Variants in ARHGDIB observed in about 807,000 individuals in gnomAD.
The protein encoded by ARHGDIB is Rho GDP dissociation inhibitor beta.
A neutral mutation model predicts 22.6 loss-of-function variants in ARHGDIB; 20 were observed. That is an observed-to-expected ratio of 0.88 (90% CI 0.62 to 1.28). The LOEUF is 1.28. Among genes scored for constraint, ARHGDIB ranks in the 50% most tolerant of loss-of-function variants. ARHGDIB has a pLI of 0.00. For synonymous variants in ARHGDIB, 114 were observed against 96.1 expected, an observed-to-expected ratio of 1.19 and a Z score of -1.09; for missense variants, 254 against 245.4, an observed-to-expected ratio of 1.04 and a Z score of -0.23.
chr12:14,957,105 A>G (rs994929608), intron 1 of ARHGDIB, among the ~76,000 whole-genome samples: 6 of 152,230 alleles, frequency 3.9e-5, no homozygotes, highest in African/African-American at 1.2e-4. Flanking sequence ...TTCATGTCTC[A>G]TAGAACATAG....
chr12:14,961,518 C>G lies in ARHGDIB; in HGVS notation c.-13+19G>C, dbSNP rs866663947. ...TGTGCCCACCTGAAGCCTCCCCAGC[C>G]CGAGGTATTTGAACTTACATTCAGT... On this transcript the variant is annotated intron_variant, in intron 1 of 5. Coordinates refer to ENST00000228945, the MANE Select transcript of ARHGDIB (RefSeq NM_001175.7). 6.6e-6 allele frequency: 1 copy of G among 152,250 alleles called. No individual in the cohort carries two copies. The highest frequency in any genetic ancestry group is 2.4e-5 in the African/African-American group (1 of 41,452). The allele number at this position is 152,250 out of a possible 1,614,324, so 9.4% of individuals were successfully genotyped here.
rs117714559 is a variant in ARHGDIB at position 14,953,095 on chromosome 12, T to C, written c.-12-2371A>G. ...AGGTCTTGATCTTCTCATCAGTAAA[T>C]CTGAGGCTTATGTTCTACATTTTCT... On this transcript the variant is annotated intron_variant, in intron 1 of 5. Transcript: ENST00000228945. Among the ~76,000 whole-genome samples, 289 of 152,302 alleles carry C rather than the reference T, an allele frequency of 1.9e-3. 13 individuals carry two copies. In the East Asian group the frequency reaches 0.048, roughly 25 times the overall value.
chr12:14,945,005 G>C (rs1454844461), intron 4 of ARHGDIB, among the ~76,000 whole-genome samples, 166 bp from the exon 5 acceptor site: 1 of 152,222 alleles, frequency 6.6e-6, no homozygotes, highest in Non-Finnish European at 1.5e-5. Flanking sequence ...GTGAGGCAAA[G>C]ATTAGAGAGG....
chr12:14,956,639 G>T (rs1179620009), intron 1 of ARHGDIB, among the ~76,000 whole-genome samples: 4 of 152,132 alleles, frequency 2.6e-5, no homozygotes, highest in Admixed American at 1.3e-4. Flanking sequence ...GGTTAATGTG[G>T]ACCCCATTTA....
chr12:14,951,091 C>T (rs1351811321), intron 1 of ARHGDIB: 1 of 159,636 alleles, frequency 6.3e-6, no homozygotes, highest in African/African-American at 2.4e-5. Context: ...TCACAGTCCT[C>T]CAAATCCAGC....
intron 4 of ARHGDIB, 70 bp downstream of exon 4, chr12:14,947,803 G>T: frequency 1.5e-6 from 2 of 1,294,646 alleles, no homozygotes; most frequent in Non-Finnish European, 2.2e-6. Context: ...ACATGATCAT[G>T]CAAGAAATGT....
chr12:14,959,993 C>T (rs557461313), intron 1 of ARHGDIB, among the ~76,000 whole-genome samples: 13 of 152,348 alleles, frequency 8.5e-5, no homozygotes, highest in Non-Finnish European at 1.9e-4. Context: ...GCAAGATTCA[C>T]GATGCCTGCT....
chr12:14,948,088 A>T (rs953638787), intron 3 of ARHGDIB, 139 bp from the exon 4 acceptor site: 9 of 531,524 alleles, frequency 1.7e-5, no homozygotes, highest in East Asian at 1.3e-4. Context: ...AGAGTATTTG[A>T]GTTTAGTCCT....
chr12:14,942,452 G>A lies in ARHGDIB; in HGVS notation c.*70C>T. On this transcript the variant is annotated 3_prime_UTR_variant, in exon 6 of 6. Transcript: ENST00000228945. Reference sequence around the variant, plus strand: ...GGGACCCAGCTGTGGACAGGGAGGAGGGACAGGGTGCTGAACACGCCTGAG... The same window carrying A: ...GGGACCCAGCTGTGGACAGGGAGGAAGGACAGGGTGCTGAACACGCCTGAG... The A allele has an allele frequency of 2.6e-6, 4 of 1,540,286 alleles. No individual in the cohort carries two copies. Among genetic ancestry groups the A allele is most frequent in the Non-Finnish European group, 2.7e-6 (3 of 1,116,380 alleles).
chr12:14,943,392 G>T (rs11056250), intron 5 of ARHGDIB, among the ~76,000 whole-genome samples: 2,334 of 52,416 alleles, frequency 0.045, 37 homozygotes, highest in South Asian at 0.099. Flanking sequence ...TTTTTTTTTT[G>T]TTGTTGTTGT....
At chr12:14,949,463 C>T (rs1359309964) in intron 3 of ARHGDIB, among the ~76,000 whole-genome samples, 1 of 151,860 alleles carries the variant, frequency 6.6e-6, no homozygotes, top group Non-Finnish European at 1.5e-5. Context: ...ACTGTATAAA[C>T]CTTATAACTT....
chr12:14,949,343 A>T (rs1052780508), intron 3 of ARHGDIB, among the ~76,000 whole-genome samples: 4 of 152,242 alleles, frequency 2.6e-5, no homozygotes, highest in Non-Finnish European at 5.9e-5. Context: ...CAGAGTTTCA[A>T]GCTAAAACAA....
chr12:14,945,617 C>T lies in ARHGDIB; in HGVS notation c.343-778G>A, dbSNP rs116037874. Among the ~76,000 whole-genome samples the T allele has an allele frequency of 5.6e-3, 847 of 152,294 alleles. 3 individuals carry two copies. The highest frequency in any genetic ancestry group is 0.019 in the African/African-American group (801 of 41,568). The stretch of plus-strand genomic sequence containing the variant: ...TTAAAGTGGACATTGCATCATTAGC[C>T]GAAGAGCTTGGTTATCTGTTCACCA... On this transcript the variant is annotated intron_variant, in intron 4 of 5. Coordinates refer to ENST00000228945, the MANE Select transcript of ARHGDIB (RefSeq NM_001175.7).
intron 1 of ARHGDIB, chr12:14,951,056 C>G (rs1271072449): frequency 5.8e-6 from 1 of 171,268 alleles, no homozygotes; most frequent in Non-Finnish European, 1.3e-5. Context: ...GAAGCAAAAG[C>G]CCAGTCAAAA....
At position 14,942,727 on chromosome 12, in the gene ARHGDIB, A is replaced by G; in HGVS notation, c.407-6T>C. Reference sequence around the variant, plus strand: ...CATAAATGTTGCTTTATCCACTAAGAAGAAAGAAGAGTTCATTAGGGTAAG... The same window carrying G: ...CATAAATGTTGCTTTATCCACTAAGGAGAAAGAAGAGTTCATTAGGGTAAG... On this transcript the variant is annotated splice_region_variant and splice_polypyrimidine_tract_variant and intron_variant, in intron 5 of 5. Transcript: ENST00000228945. The G allele has an allele frequency of 6.2e-7, 1 of 1,613,416 alleles. No homozygotes were observed. Among genetic ancestry groups the G allele is most frequent in the Non-Finnish European group, 8.5e-7 (1 of 1,179,878 alleles).
chr12:14,959,809 A>G (rs1864375397), intron 1 of ARHGDIB, among the ~76,000 whole-genome samples: 1 of 152,210 alleles, frequency 6.6e-6, no homozygotes, highest in African/African-American at 2.4e-5. Context: ...CTGTTCAGTG[A>G]CAGCATAGTT....
At chr12:14,949,096 AT>A (rs386760642) in intron 3 of ARHGDIB, among the ~76,000 whole-genome samples, 8 of 151,414 alleles carry the variant, frequency 5.3e-5, no homozygotes, top group African/African-American at 1.2e-4. Context: ...TTTGGTAACT[AT>A]TTTTTTTTTC....
chr12:14,945,579 C>G (rs148066719), intron 4 of ARHGDIB, among the ~76,000 whole-genome samples: 160 of 152,324 alleles, frequency 1.1e-3, no homozygotes, highest in South Asian at 2.7e-3. Flanking sequence ...GTCGTTATGT[C>G]TATACAAACA....
chr12:14,960,691 TG>T (rs1864392062), intron 1 of ARHGDIB, among the ~76,000 whole-genome samples: 1 of 152,094 alleles, frequency 6.6e-6, no homozygotes, highest in Non-Finnish European at 1.5e-5. Context: ...TCAGTAGAGA[TG>T]GGGTTTCACC....
Sources: allele counts gnomAD v4.1 joint callset (sites outside exome capture counted in the v4.1 genomes callset), GRCh38; gene constraint gnomAD v4.1.1; transcripts MANE v1.5; gene names NCBI Gene and HGNC (gene_info 2026-07-23, HGNC 2026-07-21).